The following NPSR1 variants were observed in gnomAD, a reference collection of about 807,000 sequenced individuals.
NPSR1 encodes neuropeptide S receptor 1.
In NPSR1, 48 loss-of-function variants were observed where a neutral mutation model predicts 46.9. The observed-to-expected ratio is 1.02, with a 90% CI of 0.81 to 1.30. The LOEUF (loss-of-function observed/expected upper bound fraction) is 1.30, where lower values mean the gene tolerates loss of function less well. Among genes scored for constraint, NPSR1 ranks in the 50% most tolerant of loss-of-function variants. NPSR1 has a pLI of 0.00. For synonymous variants in NPSR1, 176 were observed against 168.1 expected, an observed-to-expected ratio of 1.05 and a Z score of -0.36; for missense variants, 450 against 449.5, an observed-to-expected ratio of 1.00 and a Z score of -0.01.
At chr7:34,877,658 T>C (rs1036649322) in intron 8 of NPSR1, among the ~76,000 whole-genome samples, 3 of 152,162 alleles carry the variant, frequency 2.0e-5, no homozygotes, top group Admixed American at 6.5e-5. Flanking sequence ...CAGGGTAGAA[T>C]TGGTGACAGA....
intron 2 of NPSR1, among the ~76,000 whole-genome samples, chr7:34,693,400 T>C (rs1309521252): frequency 6.6e-6 from 1 of 152,038 alleles, no homozygotes; most frequent in Non-Finnish European, 1.5e-5. Flanking sequence ...CTGGAGGAAA[T>C]GGATAAATCC....
chr7:34,811,710 C>A, intron 3 of NPSR1, 60 bp from the exon 4 acceptor site: 1 of 1,173,304 alleles, frequency 8.5e-7, no homozygotes. Flanking sequence ...CTATTCTTTC[C>A]ATTATGTGCC....
intron 2 of NPSR1, among the ~76,000 whole-genome samples, chr7:34,705,429 C>T (rs1207408450): frequency 1.8e-5 from 2 of 112,576 alleles, no homozygotes; most frequent in Admixed American, 8.6e-5. Flanking sequence ...AATGAGACTC[C>T]ATATCAAAAA....
chr7:34,669,707 T>C (rs1292885221), intron 1 of NPSR1, among the ~76,000 whole-genome samples: 2 of 152,230 alleles, frequency 1.3e-5, no homozygotes, highest in African/African-American at 4.8e-5. Context: ...CACTCTGTTA[T>C]GTGTTTTCCT....
rs545280954 is a variant in NPSR1, at chr7:34,740,237, G to A, written c.281-38225G>A. Reference sequence around the variant, plus strand: ...CAGCTCCCAAGCAACCCAAAAGGCCGGTCTCACTCCCACCATGCCCCGCCA... The same window carrying A: ...CAGCTCCCAAGCAACCCAAAAGGCCAGTCTCACTCCCACCATGCCCCGCCA... On this transcript the variant is annotated intron_variant, in intron 2 of 8. Transcript: ENST00000360581. Among the ~76,000 whole-genome samples the A allele has an allele frequency of 2.4e-4, 36 of 152,012 alleles. No homozygotes were observed. In the South Asian group the frequency reaches 3.3e-3, roughly 14 times the overall value.
chr7:34,792,260 T>C (rs1455732596), intron 3 of NPSR1, among the ~76,000 whole-genome samples: 1 of 151,632 alleles, frequency 6.6e-6, no homozygotes, highest in Admixed American at 6.6e-5. Flanking sequence ...AAGAAAACAA[T>C]GAATCAAATG....
intron 2 of NPSR1, among the ~76,000 whole-genome samples, chr7:34,704,401 C>G (rs1046557625): frequency 1.3e-5 from 2 of 151,948 alleles, no homozygotes; most frequent in African/African-American, 4.8e-5. Flanking sequence ...TCTACGTGAC[C>G]ATTTCTTTAA....
intron 2 of NPSR1, among the ~76,000 whole-genome samples, chr7:34,687,933 GA>G (rs1251176264): frequency 5.3e-5 from 8 of 152,174 alleles, no homozygotes; most frequent in Non-Finnish European, 1.0e-4. Flanking sequence ...AGTATTAGCT[GA>G]TTTAAAAGCA....
chr7:34,822,798 TA>T (rs1386128218), intron 4 of NPSR1, among the ~76,000 whole-genome samples: 6 of 151,862 alleles, frequency 4.0e-5, no homozygotes, highest in Non-Finnish European at 8.8e-5. Context: ...ATAAAAGGAG[TA>T]AAAGAATATT....
At chr7:34,675,073 G>T (rs1792249651) in intron 1 of NPSR1, among the ~76,000 whole-genome samples, 1 of 152,162 alleles carries the variant, frequency 6.6e-6, no homozygotes, top group African/African-American at 2.4e-5. Flanking sequence ...CACCTAATGA[G>T]CCAGTAACCC....
chr7:34,804,663 T>G (rs1328992082), intron 3 of NPSR1, among the ~76,000 whole-genome samples: 1 of 151,924 alleles, frequency 6.6e-6, no homozygotes, highest in Non-Finnish European at 1.5e-5. Flanking sequence ...CTGAACTAGA[T>G]GTCTTAGATA....
At chr7:34,685,835 A>C (rs1210530198) in intron 2 of NPSR1, 1 of 254,432 alleles carries the variant, frequency 3.9e-6, no homozygotes, top group African/African-American at 2.4e-5. Context: ...AGAAGGTAAA[A>C]GGAGCAAGAG....
downstream of NPSR1, among the ~76,000 whole-genome samples, chr7:34,851,346 A>T (rs1259939786): frequency 2.0e-4 from 29 of 147,188 alleles, no homozygotes; most frequent in African/African-American, 6.5e-4. Context: ...ATTCGATCTG[A>T]CCTTAGGGAA....
At chr7:34,720,275 G>A (rs577360730) in intron 2 of NPSR1, among the ~76,000 whole-genome samples, 25 of 112,528 alleles carry the variant, frequency 2.2e-4, no homozygotes, top group East Asian at 1.0e-3. Context: ...GCAAGATTCC[G>A]AGAAAAAAAA....
At chr7:34,826,170 A>G (rs1464438116) in intron 4 of NPSR1, among the ~76,000 whole-genome samples, 1 of 152,152 alleles carries the variant, frequency 6.6e-6, no homozygotes, top group Non-Finnish European at 1.5e-5. Flanking sequence ...GCATGTAAGG[A>G]ACAGGAAAGA....
rs970440687 is a variant in NPSR1, at chr7:34,697,551, C to T, written c.280+12867C>T. On this transcript the variant is annotated intron_variant, in intron 2 of 8. Coordinates refer to ENST00000360581, the MANE Select transcript of NPSR1 (RefSeq NM_207172.2). ...TAAAATAGATAGTATTTGCATATAA[C>T]CTACATACACCCTCCTGTATACTTT... 2.0e-5 allele frequency among the ~76,000 whole-genome samples: 3 copies of T among 151,880 alleles called. No individual in the cohort carries two copies. The South Asian group carries it at 6.2e-4, about 31-fold the overall frequency.
At chr7:34,692,541 T>C (rs1392845587) in intron 2 of NPSR1, among the ~76,000 whole-genome samples, 4 of 152,134 alleles carry the variant, frequency 2.6e-5, no homozygotes, top group Admixed American at 2.0e-4. Flanking sequence ...CTCTGGGATA[T>C]AGTGAAAACA....
At chr7:34,669,206 C>T (rs1791912235) in intron 1 of NPSR1, among the ~76,000 whole-genome samples, 1 of 152,084 alleles carries the variant, frequency 6.6e-6, no homozygotes, top group African/African-American at 2.4e-5. Context: ...TTGGAAGCAC[C>T]ACATATTATA....
At chr7:34,750,922 G>T (rs541894353) in intron 2 of NPSR1, 10 of 740,436 alleles carry the variant, frequency 1.4e-5, no homozygotes, top group Middle Eastern at 2.7e-4. Flanking sequence ...TCCACCCCCA[G>T]CTCGGGGTCT....
Sources: gnomAD v4.1 joint callset for allele counts (sites outside exome capture counted in the v4.1 genomes callset) on GRCh38, gnomAD v4.1.1 for gene constraint, MANE v1.5 for transcripts, NCBI Gene and HGNC (gene_info 2026-07-23, HGNC 2026-07-21) for gene names.